The following PSD3 variants were observed in gnomAD, a reference collection of about 807,000 sequenced individuals.
The protein encoded by PSD3 is pleckstrin and Sec7 domain containing 3, also known as PH and SEC7 domain-containing protein 3.
In PSD3, 49 loss-of-function variants were observed where a neutral mutation model predicts 105.5. The ratio of observed to expected loss-of-function variants is 0.46; its 90% CI spans 0.37 to 0.59. The LOEUF is 0.59. Ranked by LOEUF, PSD3 falls within the 20% of genes least tolerant of loss-of-function variation. The probability of loss-of-function intolerance (pLI) is 0.00; values close to 1 mark genes in which losing one functional copy is unlikely to be tolerated. For synonymous variants in PSD3, 557 were observed against 457.8 expected (o/e 1.22, Z -2.77); for missense variants, 1,561 against 1,263.8 (o/e 1.24, Z -3.57).
At chr8:18,998,847 A>C (rs1826222023) in intron 1 of PSD3, among the ~76,000 whole-genome samples, 1 of 151,914 alleles carries the variant, frequency 6.6e-6, no homozygotes, top group African/African-American at 2.4e-5. Flanking sequence ...CATAAATTCC[A>C]GGTGTAACCC....
chr8:18,921,188 A>G (rs1280845350), intron 2 of PSD3, among the ~76,000 whole-genome samples: 1 of 152,244 alleles, frequency 6.6e-6, no homozygotes, highest in Non-Finnish European at 1.5e-5. Flanking sequence ...CACTATTAGT[A>G]TTCAATTGGC....
At chr8:18,846,318 C>T (rs1815087180) in intron 4 of PSD3, among the ~76,000 whole-genome samples, 1 of 152,198 alleles carries the variant, frequency 6.6e-6, no homozygotes, top group Non-Finnish European at 1.5e-5. Flanking sequence ...GGCCCTTCAA[C>T]CTGAATGCCA....
chr8:18,974,416 C>A (rs1004636701), intron 1 of PSD3, among the ~76,000 whole-genome samples: 6 of 145,028 alleles, frequency 4.1e-5, no homozygotes, highest in African/African-American at 1.5e-4. Flanking sequence ...ACTGACATTT[C>A]CCAGGGAGGG....
At chr8:19,069,048 A>C (rs1829169240) in intron 1 of PSD3, among the ~76,000 whole-genome samples, 1 of 152,184 alleles carries the variant, frequency 6.6e-6, no homozygotes, top group African/African-American at 2.4e-5. Context: ...GGGGCTATTC[A>C]AACTAACGTC....
chr8:18,600,585 G>A lies in PSD3; in HGVS notation c.2411-151C>T, dbSNP rs183179146. 134 of 629,828 alleles carry A rather than the reference G, an allele frequency of 2.1e-4. No homozygotes were observed. The East Asian group carries it at 2.5e-3, about 12-fold the overall frequency. 39.0% of individuals were successfully genotyped at this position (629,828 alleles called of 1,614,324 possible). On this transcript the variant is annotated intron_variant, in intron 11 of 15. Transcript: ENST00000327040. ...ACTAAAATTTTCTGAGCCTTATGGT[G>A]TACCAGGCGGCATTCTAAAATGTTT...
chr8:18,655,588 G>C, intron 10 of PSD3, 54 bp downstream of exon 10: 1 of 1,513,012 alleles, frequency 6.6e-7, no homozygotes, highest in South Asian at 1.1e-5. Flanking sequence ...CATAAAGACA[G>C]TAGGAAAAAA....
intron 1 of PSD3, among the ~76,000 whole-genome samples, chr8:18,963,925 T>C (rs181650610): frequency 2.0e-5 from 3 of 152,310 alleles, no homozygotes; most frequent in Non-Finnish European, 4.4e-5. Flanking sequence ...CTGTGAATGA[T>C]GGTGTTTGTT....
intron 1 of PSD3, among the ~76,000 whole-genome samples, chr8:19,065,002 AAACTT>A (rs1339678062): frequency 6.6e-6 from 1 of 152,206 alleles, no homozygotes; most frequent in Non-Finnish European, 1.5e-5. Context: ...TAATTAAACT[AAACTT>A]TAAAATGGGC....
At chr8:19,022,785 T>C (rs1172534625) in intron 1 of PSD3, among the ~76,000 whole-genome samples, 2 of 152,040 alleles carry the variant, frequency 1.3e-5, no homozygotes, top group Non-Finnish European at 2.9e-5. Flanking sequence ...CCTCATGTTC[T>C]TCTCTCATTA....
At position 18,564,593 on chromosome 8, in the gene PSD3, C is replaced by T. The variant is rs370178831; in HGVS notation, c.2784+7935G>A. ...GCAGTGAGCCAAGATGGCACCACTG[C>T]ACTCCAGCCTGGGTGATAGAGTGAG... On this transcript the variant is annotated intron_variant, in intron 14 of 15. Coordinates refer to ENST00000327040, the MANE Select transcript of PSD3 (RefSeq NM_015310.4). Among the ~76,000 whole-genome samples the T allele has an allele frequency of 5.6e-4, 84 of 149,912 alleles. 1 individual carries two copies. The highest frequency in any genetic ancestry group is 2.1e-3 in the African/African-American group (84 of 40,538).
At chr8:19,017,048 T>C (rs1827200700), upstream of PSD3, among the ~76,000 whole-genome samples, 1 of 121,954 alleles carries the variant, frequency 8.2e-6, no homozygotes, top group African/African-American at 2.8e-5. Context: ...TTTGGCTACA[T>C]ACTTTTTTTT....
In PSD3 at chr8:18,941,512, C is replaced by A. The variant is rs529416048; in HGVS notation, c.22-5370G>T. ...CCTGTATTTAAAGATGCAAGCCCAC[C>A]ATTAAATGGATGGGACAAACAAAAT... is the stretch of plus-strand genomic sequence containing the variant. On this transcript the variant is annotated intron_variant, in intron 1 of 15. Coordinates refer to ENST00000327040, the MANE Select transcript of PSD3 (RefSeq NM_015310.4). Among the ~76,000 whole-genome samples, 24 of 152,198 alleles carry A rather than the reference C, an allele frequency of 1.6e-4. No homozygotes were observed. In the South Asian group the frequency reaches 4.8e-3, roughly 30 times the overall value.
intron 2 of PSD3, among the ~76,000 whole-genome samples, chr8:18,914,697 T>A (rs1820467767): frequency 6.6e-6 from 1 of 152,066 alleles, no homozygotes; most frequent in African/African-American, 2.4e-5. Context: ...AAAACACTAA[T>A]GAAAAAAGTT....
intron 9 of PSD3, among the ~76,000 whole-genome samples, chr8:18,717,279 C>T (rs528786307): frequency 4.0e-5 from 6 of 151,728 alleles, no homozygotes; most frequent in East Asian, 1.9e-4. Flanking sequence ...CCATTTGCAA[C>T]GGGCCACTTT....
chr8:18,636,382 G>C (rs1807258758), intron 10 of PSD3, among the ~76,000 whole-genome samples: 1 of 152,110 alleles, frequency 6.6e-6, no homozygotes. Context: ...TGTGTTTTAA[G>C]CTGTTATTAC....
At chr8:18,878,084 C>T (rs989194323) in intron 2 of PSD3, among the ~76,000 whole-genome samples, 43 of 152,256 alleles carry the variant, frequency 2.8e-4, no homozygotes, top group South Asian at 4.2e-4. Flanking sequence ...TTACATCTTT[C>T]GTTCCATGAC....
At chr8:18,699,623 GTC>G (rs1563181231) in intron 9 of PSD3, among the ~76,000 whole-genome samples, 1 of 152,168 alleles carries the variant, frequency 6.6e-6, no homozygotes, top group Admixed American at 6.6e-5. Context: ...GTGCTGGAAT[GTC>G]TGTCATTTCT....
chr8:19,000,821 G>A (rs1826334779), intron 1 of PSD3: 1 of 151,864 alleles, frequency 6.6e-6, no homozygotes, highest in African/African-American at 2.4e-5. Flanking sequence ...TCTTAATAGG[G>A]TTCCTGTACT....
intron 9 of PSD3, among the ~76,000 whole-genome samples, chr8:18,755,623 G>A (rs1805972456): frequency 6.6e-6 from 1 of 151,968 alleles, no homozygotes; most frequent in African/African-American, 2.4e-5. Context: ...TTCCATTACA[G>A]TACCCTTAAT....
Sources: gnomAD v4.1 joint callset for allele counts (sites outside exome capture counted in the v4.1 genomes callset) on GRCh38, gnomAD v4.1.1 for gene constraint, MANE v1.5 for transcripts, NCBI Gene and HGNC (gene_info 2026-07-23, HGNC 2026-07-21) for gene names.